The following PTPRD variants were observed in gnomAD, a reference collection of about 807,000 sequenced individuals.
PTPRD encodes the protein protein tyrosine phosphatase receptor type D.
PTPRD carries 34 observed loss-of-function variants against 214.5 expected under a neutral mutation model. The observed-to-expected ratio is 0.16, with a 90% CI of 0.12 to 0.21. The LOEUF is 0.21. PTPRD is among the 10% of genes least tolerant of loss of function. The pLI is 1.00. For missense variants in PTPRD, 2,545 were observed against 2,398.7 expected (o/e 1.06, Z -1.27); for synonymous variants, 1,128 against 845.7 (o/e 1.33, Z -5.79).
chr9:9,349,402 A>G (rs534634744), intron 9 of PTPRD, among the ~76,000 whole-genome samples: 5 of 152,138 alleles, frequency 3.3e-5, no homozygotes, highest in Non-Finnish European at 7.4e-5. Context: ...TCTGTCTAAT[A>G]CAGAAACACT....
At chr9:9,918,419 A>C (rs1486148366) in intron 5 of PTPRD, among the ~76,000 whole-genome samples, 3 of 151,882 alleles carry the variant, frequency 2.0e-5, no homozygotes, top group Non-Finnish European at 1.5e-5. Flanking sequence ...TGAAGAAGAT[A>C]CAAATAAAAA....
rs562154489 is a variant in PTPRD at position 9,850,683 on chromosome 9, G to C, written c.-367-83832C>G. Among the ~76,000 whole-genome samples the C allele has an allele frequency of 1.7e-4, 26 of 152,078 alleles. No homozygotes were observed. In the East Asian group the frequency reaches 3.1e-3, roughly 18 times the overall value. On this transcript the variant is annotated intron_variant, in intron 5 of 45. Coordinates refer to ENST00000381196, the MANE Select transcript of PTPRD (RefSeq NM_002839.4). ...ATCACATATTTGTTTTTTATTGTGA[G>C]AACACTTAAAATCTACTCTCTAAGC...
chr9:8,372,713 C>A (rs10977012), intron 39 of PTPRD, among the ~76,000 whole-genome samples: 2 of 151,940 alleles, frequency 1.3e-5, no homozygotes, highest in Non-Finnish European at 2.9e-5. Context: ...GCCTTGTCTG[C>A]GCTTGTTGCA....
chr9:10,479,035 A>G (rs138835882), intron 2 of PTPRD, among the ~76,000 whole-genome samples: 1 of 152,142 alleles, frequency 6.6e-6, no homozygotes, highest in Admixed American at 6.5e-5. Flanking sequence ...AACATTACAC[A>G]ATTTTCACAG....
At chr9:10,167,423 T>C (rs2099166034) in intron 3 of PTPRD, among the ~76,000 whole-genome samples, 1 of 152,164 alleles carries the variant, frequency 6.6e-6, no homozygotes. Context: ...GACTCAAAGA[T>C]ACTTGGATTC....
At chr9:9,272,676 C>T (rs1016008163) in intron 9 of PTPRD, among the ~76,000 whole-genome samples, 1 of 151,344 alleles carries the variant, frequency 6.6e-6, no homozygotes, top group African/African-American at 2.4e-5. Context: ...TTTTCTGTCA[C>T]CAGACTGCCT....
intron 8 of PTPRD, among the ~76,000 whole-genome samples, chr9:9,463,103 T>C (rs1414632866): frequency 6.6e-6 from 1 of 151,746 alleles, no homozygotes; most frequent in Non-Finnish European, 1.5e-5. Flanking sequence ...ACAAAAGCCT[T>C]TGTGGCCTCT....
intron 14 of PTPRD, among the ~76,000 whole-genome samples, chr9:8,576,332 G>C (rs1214962620): frequency 6.6e-6 from 1 of 151,954 alleles, no homozygotes; most frequent in African/African-American, 2.4e-5. Context: ...CTGCATTTAA[G>C]GCAGACTTCC....
chr9:9,970,219 G>A (rs997096555), intron 4 of PTPRD, among the ~76,000 whole-genome samples: 4 of 152,032 alleles, frequency 2.6e-5, no homozygotes, highest in Admixed American at 2.6e-4. Context: ...GGGAGGCCGA[G>A]GTGGGCGGAT....
chr9:8,410,966 A>G (rs2093465277), intron 35 of PTPRD, among the ~76,000 whole-genome samples: 1 of 152,054 alleles, frequency 6.6e-6, no homozygotes, highest in South Asian at 2.1e-4. Flanking sequence ...AAATTATATC[A>G]TAGTACTAAA....
At chr9:9,789,306 C>A (rs1046180985) in intron 5 of PTPRD, among the ~76,000 whole-genome samples, 1 of 152,144 alleles carries the variant, frequency 6.6e-6, no homozygotes, top group Non-Finnish European at 1.5e-5. Context: ...GTTCCCGTAG[C>A]GTATGAGATT....
At chr9:9,915,022 C>G (rs773128060) in intron 5 of PTPRD, among the ~76,000 whole-genome samples, 5 of 152,174 alleles carry the variant, frequency 3.3e-5, no homozygotes, top group African/African-American at 1.2e-4. Flanking sequence ...TGCCCCTGAC[C>G]TGAAAAATAG....
At position 8,980,215 on chromosome 9, in the gene PTPRD, G is replaced by A. The variant is rs143390808; in HGVS notation, c.-104+38482C>T. On this transcript the variant is annotated intron_variant, in intron 11 of 45. Coordinates refer to ENST00000381196, the MANE Select transcript of PTPRD (RefSeq NM_002839.4). ...ACACAGAGATAGAGAGTGAAACCAT[G>A]TTTATCATCAGTGGGGGTGGGGGCG... Among the ~76,000 whole-genome samples the A allele has an allele frequency of 5.1e-3, 775 of 152,030 alleles. 6 individuals are homozygous for A. The highest frequency in any genetic ancestry group is 0.018 in the African/African-American group (734 of 41,514).
At chr9:9,317,787 A>T (rs1964091679) in intron 9 of PTPRD, among the ~76,000 whole-genome samples, 1 of 152,166 alleles carries the variant, frequency 6.6e-6, no homozygotes, top group Non-Finnish European at 1.5e-5. Context: ...ACCTGATCAA[A>T]ATTCATGATA....
chr9:8,916,724 C>A (rs1311496656), intron 11 of PTPRD, among the ~76,000 whole-genome samples: 2 of 152,116 alleles, frequency 1.3e-5, no homozygotes, highest in Non-Finnish European at 2.9e-5. Flanking sequence ...TGAATACTTC[C>A]TTGAATGCCT....
chr9:9,601,808 C>A (rs939495279), intron 7 of PTPRD, among the ~76,000 whole-genome samples: 4 of 151,826 alleles, frequency 2.6e-5, no homozygotes, highest in African/African-American at 9.7e-5. Context: ...AAATATAATA[C>A]AAAAGTAAAT....
At chr9:9,428,302 G>C (rs1490603507) in intron 8 of PTPRD, among the ~76,000 whole-genome samples, 2 of 151,922 alleles carry the variant, frequency 1.3e-5, no homozygotes, top group Admixed American at 6.6e-5. Context: ...ACAAAGATCA[G>C]AAGAGACAAA....
At chr9:9,288,968 T>C (rs564031832) in intron 9 of PTPRD, among the ~76,000 whole-genome samples, 1 of 151,990 alleles carries the variant, frequency 6.6e-6, no homozygotes, top group South Asian at 2.1e-4. Context: ...AAGTTTCCTG[T>C]AGGCTCCCCA....
At chr9:10,366,329 G>A (rs974815165) in intron 2 of PTPRD, among the ~76,000 whole-genome samples, 8 of 152,164 alleles carry the variant, frequency 5.3e-5, no homozygotes, top group Admixed American at 2.0e-4. Context: ...GAATACGGAA[G>A]GCTCATAAAG....
Sources: allele counts gnomAD v4.1 joint callset (sites outside exome capture counted in the v4.1 genomes callset), GRCh38; gene constraint gnomAD v4.1.1; transcripts MANE v1.5; gene names NCBI Gene and HGNC (gene_info 2026-07-23, HGNC 2026-07-21).